The following NPNT variants were observed in gnomAD, a reference collection of about 807,000 sequenced individuals.
NPNT encodes nephronectin.
NPNT carries 45 observed loss-of-function variants against 68.6 expected under a neutral mutation model. That is an observed-to-expected ratio of 0.66 (90% CI 0.52 to 0.84). The LOEUF (loss-of-function observed/expected upper bound fraction) is 0.84. Ranked by LOEUF, NPNT falls within the 40% of genes least tolerant of loss-of-function variation. The pLI, the probability that NPNT is intolerant of heterozygous loss-of-function variation, is 0.00. For missense variants in NPNT, 672 were observed against 714.8 expected, an observed-to-expected ratio of 0.94 and a Z score of 0.68; for synonymous variants, 233 against 253.3, an observed-to-expected ratio of 0.92 and a Z score of 0.76.
At chr4:105,902,942 G>C (rs1044069770) in intron 2 of NPNT, 1 of 151,984 alleles carries the variant, frequency 6.6e-6, no homozygotes, top group African/African-American at 2.4e-5. Context: ...GCTTAATCTG[G>C]CCAGGTCTTA....
At chr4:105,959,168 T>G (rs773214012) in intron 10 of NPNT, 42 bp downstream of exon 10, 1 of 1,225,528 alleles carries the variant, frequency 8.2e-7, no homozygotes, top group East Asian at 2.3e-5. Flanking sequence ...CACATTTCAA[T>G]GTGATACTAT....
chr4:105,952,973 C>G (rs972838635), intron 8 of NPNT, among the ~76,000 whole-genome samples: 1 of 152,124 alleles, frequency 6.6e-6, no homozygotes, highest in African/African-American at 2.4e-5. Flanking sequence ...CAAGACCAGC[C>G]TGGCCAACAT....
intron 5 of NPNT, 85 bp from the exon 6 acceptor site, chr4:105,939,990 T>C: frequency 8.4e-7 from 1 of 1,185,798 alleles, no homozygotes; most frequent in Non-Finnish European, 1.2e-6. Context: ...TAGGCAACCA[T>C]TTGTAGTCAG....
intron 7 of NPNT, among the ~76,000 whole-genome samples, 192 bp from the exon 8 acceptor site, chr4:105,942,115 G>GTA (rs1345363227): frequency 0.095 from 6,864 of 72,160 alleles, 205 homozygotes; most frequent in Non-Finnish European, 0.14. Flanking sequence ...CTGTGTGTGT[G>GTA]TATATATATA....
At chr4:105,965,509 T>C (rs551361236) in intron 10 of NPNT, among the ~76,000 whole-genome samples, 1 of 152,308 alleles carries the variant, frequency 6.6e-6, no homozygotes, top group Non-Finnish European at 1.5e-5. Flanking sequence ...TTAGGTTGTC[T>C]TGTTTGCAGG....
chr4:105,913,708 T>C (rs920294470), intron 2 of NPNT, among the ~76,000 whole-genome samples: 1 of 152,198 alleles, frequency 6.6e-6, no homozygotes, highest in Non-Finnish European at 1.5e-5. Flanking sequence ...ATAATCATCT[T>C]TTGGAAATAA....
chr4:105,921,679 T>C (rs1368675080), intron 2 of NPNT, among the ~76,000 whole-genome samples: 2 of 152,194 alleles, frequency 1.3e-5, no homozygotes. Context: ...GCTCATGATA[T>C]GCAATGGCTC....
chr4:105,936,713 C>T (rs1465330443), intron 3 of NPNT, among the ~76,000 whole-genome samples: 1 of 152,134 alleles, frequency 6.6e-6, no homozygotes, highest in Non-Finnish European at 1.5e-5. Flanking sequence ...CCCATGAGGA[C>T]GTTAGTATGC....
chr4:105,936,946 T>C (rs1020627772), intron 3 of NPNT, 63 bp from the exon 4 acceptor site: 7 of 1,516,486 alleles, frequency 4.6e-6, no homozygotes, highest in East Asian at 2.4e-5. Context: ...AAAAGAATTT[T>C]AGATGGCTTA....
At chr4:105,924,656 A>G (rs73836905) in intron 2 of NPNT, among the ~76,000 whole-genome samples, 3,776 of 152,258 alleles carry the variant, frequency 0.025, 149 homozygotes, top group African/African-American at 0.086. Context: ...ACAAATAACA[A>G]AAAAGGGAGA....
intron 8 of NPNT, among the ~76,000 whole-genome samples, chr4:105,957,946 C>G (rs910505835): frequency 6.6e-6 from 1 of 152,044 alleles, no homozygotes; most frequent in African/African-American, 2.4e-5. Context: ...CTTAAAGGAG[C>G]CAGGGAAACT....
intron 8 of NPNT, 89 bp downstream of exon 8, chr4:105,942,791 C>T (rs570135526): frequency 1.1e-5 from 14 of 1,261,914 alleles, no homozygotes; most frequent in Middle Eastern, 2.1e-4. Flanking sequence ...GAATGAAACT[C>T]GTAAGAAGAA....
chr4:105,956,814 T>A (rs1164419565), intron 8 of NPNT, among the ~76,000 whole-genome samples: 3 of 152,116 alleles, frequency 2.0e-5, no homozygotes, highest in East Asian at 3.9e-4. Context: ...GTCAGCTGTG[T>A]CCCTAGAGCT....
At chr4:105,927,045 T>G in intron 2 of NPNT, 1 of 192,838 alleles carries the variant, frequency 5.2e-6, no homozygotes, top group Non-Finnish European at 1.1e-5. Flanking sequence ...TGAATAAATA[T>G]CAGTTATGCT....
chr4:105,910,491 G>A (rs539590697), intron 2 of NPNT, among the ~76,000 whole-genome samples: 109 of 146,598 alleles, frequency 7.4e-4, no homozygotes, highest in Middle Eastern at 3.4e-3. Flanking sequence ...GTTTTAATGG[G>A]GTTTATACCG....
chr4:105,901,123 TTTTA>T (rs1726383726), intron 2 of NPNT, among the ~76,000 whole-genome samples: 1 of 152,218 alleles, frequency 6.6e-6, no homozygotes, highest in African/African-American at 2.4e-5. Context: ...TTAATTATGC[TTTTA>T]TTTCTCTCCT....
chr4:105,920,855 C>T (rs1406090991), intron 2 of NPNT, among the ~76,000 whole-genome samples: 1 of 151,992 alleles, frequency 6.6e-6, no homozygotes. Context: ...AATTGACATT[C>T]GTATTTGACT....
chr4:105,966,975 A>T (rs1732195790), intron 10 of NPNT, among the ~76,000 whole-genome samples: 1 of 152,124 alleles, frequency 6.6e-6, no homozygotes, highest in Non-Finnish European at 1.5e-5. Context: ...CATTACTTGT[A>T]CTTTCCATGA....
intron 11 of NPNT, 65 bp from the exon 12 acceptor site, chr4:105,968,829 TG>T (rs1399326232): frequency 1.1e-6 from 1 of 890,218 alleles, no homozygotes; most frequent in East Asian, 2.5e-5. Flanking sequence ...CCTTTATTTT[TG>T]CTTAATAAGG....
Sources: allele counts gnomAD v4.1 joint callset (sites outside exome capture counted in the v4.1 genomes callset), GRCh38; gene constraint gnomAD v4.1.1; transcripts MANE v1.5; gene names NCBI Gene and HGNC (gene_info 2026-07-23, HGNC 2026-07-21).